The following RYR3 variants were observed in gnomAD, a reference collection of about 807,000 sequenced individuals.
The protein encoded by RYR3 is ryanodine receptor 3.
In RYR3, 207 loss-of-function variants were observed where a neutral mutation model predicts 584.3. The ratio of observed to expected loss-of-function variants is 0.35; its 90% CI spans 0.32 to 0.40. The LOEUF (loss-of-function observed/expected upper bound fraction) is 0.40. Among genes scored for constraint, RYR3 ranks in the 10% least tolerant of loss-of-function variants. RYR3 has a pLI of 1.00. For synonymous variants in RYR3, 2,416 were observed against 2,248.5 expected (o/e 1.07, Z -2.11); for missense variants, 5,616 against 6,089.2 (o/e 0.92, Z 2.59).
chr15:33,568,352 A>G (rs1312632665), intron 12 of RYR3, among the ~76,000 whole-genome samples: 1 of 152,258 alleles, frequency 6.6e-6, no homozygotes, highest in Non-Finnish European at 1.5e-5. Context: ...TATTTTAAAA[A>G]GTCAGTGGGA....
intron 16 of RYR3, among the ~76,000 whole-genome samples, chr15:33,587,498 T>C (rs2058916409): frequency 6.6e-6 from 1 of 152,222 alleles, no homozygotes; most frequent in South Asian, 2.1e-4. Flanking sequence ...TGTCACTTGG[T>C]GGCAAGTTGA....
intron 86 of RYR3, among the ~76,000 whole-genome samples, chr15:33,832,065 G>A (rs898334163): frequency 3.9e-5 from 6 of 151,964 alleles, no homozygotes; most frequent in African/African-American, 4.8e-5. Flanking sequence ...AGGCTGAGGC[G>A]GGTGGATTGT....
At position 33,865,221 on chromosome 15, in the gene RYR3, G is replaced by A. The variant is rs1266422222; in HGVS notation, c.14608G>A (p.Gly4870Arg). ...TCGTAAACAATATGAAGATCAGCTT[G>A]GATAAATCTGAATCAAAGAAGCGCG... is the stretch of plus-strand genomic sequence containing the variant. ...CFRKQYEDQL[G>R] Residue 4870 changes from glycine to arginine, a missense_variant, in exon 104 of 104, where the codon GGA becomes AGA. Physicochemically the swap from Gly to Arg is moderately radical, Grantham distance 125. Transcript: ENST00000634891. 1.9e-6 allele frequency: 3 copies of A among 1,610,610 alleles called. No individual in the cohort carries two copies. The highest frequency in any genetic ancestry group is 2.5e-6 in the Non-Finnish European group (3 of 1,177,588).
At chr15:33,505,456 A>G (rs1422697386) in intron 3 of RYR3, among the ~76,000 whole-genome samples, 1 of 152,086 alleles carries the variant, frequency 6.6e-6, no homozygotes, top group Non-Finnish European at 1.5e-5. Context: ...TCAGCATCTT[A>G]TATCTTCCAC....
chr15:33,312,829 G>A (rs1967539313), intron 1 of RYR3, among the ~76,000 whole-genome samples: 1 of 152,214 alleles, frequency 6.6e-6, no homozygotes, highest in African/African-American at 2.4e-5. Flanking sequence ...CATCTTCCCT[G>A]ACTTTTCCTC....
intron 60 of RYR3, among the ~76,000 whole-genome samples, chr15:33,766,537 G>T (rs1015142189): frequency 1.3e-5 from 2 of 152,208 alleles, no homozygotes; most frequent in Non-Finnish European, 2.9e-5. Flanking sequence ...CAGAGGGCAG[G>T]TGTGTCTGTT....
intron 1 of RYR3, among the ~76,000 whole-genome samples, chr15:33,439,363 A>C (rs906590072): frequency 1.3e-5 from 2 of 152,186 alleles, no homozygotes; most frequent in African/African-American, 4.8e-5. Flanking sequence ...GGCTACGTCA[A>C]GTGTTTTATC....
intron 33 of RYR3, 46 bp downstream of exon 33, chr15:33,659,852 G>A (rs894419837): frequency 2.3e-6 from 3 of 1,301,744 alleles, no homozygotes; most frequent in African/African-American, 1.4e-5. Context: ...AGAGAAAGCA[G>A]CACTAACCAT....
chr15:33,637,640 T>TA (rs1314687118), intron 27 of RYR3, among the ~76,000 whole-genome samples: 4 of 152,238 alleles, frequency 2.6e-5, no homozygotes, highest in Admixed American at 2.6e-4. Context: ...GCTAAAACAA[T>TA]ACAACTGCAT....
intron 38 of RYR3, among the ~76,000 whole-genome samples, chr15:33,678,683 G>C (rs1215070882): frequency 2.0e-5 from 3 of 152,186 alleles, no homozygotes; most frequent in Non-Finnish European, 4.4e-5. Context: ...ATTAAATACA[G>C]ACCTGAGATG....
At chr15:33,717,569 C>T (rs940992129) in intron 43 of RYR3, among the ~76,000 whole-genome samples, 4 of 152,202 alleles carry the variant, frequency 2.6e-5, no homozygotes, top group African/African-American at 9.7e-5. Flanking sequence ...TTATCTTATA[C>T]CTGGGCCACT....
chr15:33,378,324 C>A (rs567872259), intron 1 of RYR3, among the ~76,000 whole-genome samples: 1 of 152,164 alleles, frequency 6.6e-6, no homozygotes, highest in Non-Finnish European at 1.5e-5. Flanking sequence ...GCTCCATGTC[C>A]CCTCTGCCTG....
rs887473922 is a variant in RYR3 at position 33,317,215 on chromosome 15, C to T, written c.51+6119C>T. ...TCTTTTATGAGCCCATTTTTTCTTT[C>T]GCTCAAAGCACTGGGGACCTGCTTT... On this transcript the variant is annotated intron_variant, in intron 1 of 103. Transcript: ENST00000634891. Among the ~76,000 whole-genome samples the T allele has an allele frequency of 1.6e-4, 25 of 152,098 alleles. 1 individual carries two copies. Among genetic ancestry groups the T allele is most frequent in the Non-Finnish European group, 4.4e-5 (3 of 68,024 alleles).
chr15:33,358,655 T>TAA (rs35316835), intron 1 of RYR3, among the ~76,000 whole-genome samples: 124 of 135,754 alleles, frequency 9.1e-4, no homozygotes, highest in South Asian at 2.7e-3. Flanking sequence ...GTGGTATCGT[T>TAA]AAAAAAAAAA....
Position 33,328,712 on chromosome 15 carries a change from T to C in RYR3, c.51+17616T>C, listed in dbSNP as rs117186681. The stretch of plus-strand genomic sequence containing the variant: ...TGGTTTGTAGATCTAATATGGTCAT[T>C]TGAATGCCTGAATCATTTTGTAACC... On this transcript the variant is annotated intron_variant, in intron 1 of 103. Transcript: ENST00000634891. Among the ~76,000 whole-genome samples the C allele has an allele frequency of 8.5e-5, 13 of 152,324 alleles. No homozygotes were observed. The East Asian group carries it at 2.3e-3, about 27-fold the overall frequency.
At chr15:33,684,367 C>G (rs1397054998) in intron 38 of RYR3, among the ~76,000 whole-genome samples, 2 of 152,146 alleles carry the variant, frequency 1.3e-5, no homozygotes, top group African/African-American at 4.8e-5. Context: ...TGGAGTGAAC[C>G]TCTAGCAAAC....
intron 1 of RYR3, among the ~76,000 whole-genome samples, chr15:33,405,546 G>A (rs112263878): frequency 0.011 from 1,627 of 152,222 alleles, 27 homozygotes; most frequent in Admixed American, 0.025. Flanking sequence ...ATGTAGTATC[G>A]TGTTCAATAA....
intron 43 of RYR3, among the ~76,000 whole-genome samples, chr15:33,712,873 A>C (rs925897939): frequency 6.6e-6 from 1 of 152,110 alleles, no homozygotes; most frequent in Non-Finnish European, 1.5e-5. Flanking sequence ...AACAGAGATG[A>C]TAATAATGTA....
chr15:33,741,847 C>T (rs1220201225), intron 51 of RYR3, among the ~76,000 whole-genome samples: 2 of 152,108 alleles, frequency 1.3e-5, no homozygotes, highest in Non-Finnish European at 2.9e-5. Flanking sequence ...ATTTCCTGAC[C>T]TCATGATCCA....
Sources: allele counts gnomAD v4.1 joint callset (sites outside exome capture counted in the v4.1 genomes callset), GRCh38; gene constraint gnomAD v4.1.1; transcripts MANE v1.5; gene names NCBI Gene and HGNC (gene_info 2026-07-23, HGNC 2026-07-21).